HK2: variants seen among roughly 807,000 people sequenced by gnomAD.
The protein encoded by HK2 is hexokinase 2.
In HK2, 42 loss-of-function variants were observed where a neutral mutation model predicts 92.9. The ratio of observed to expected loss-of-function variants is 0.45; its 90% confidence interval spans 0.35 to 0.58. The LOEUF is 0.58. HK2 is among the 20% of genes least tolerant of loss of function. The pLI is 0.00. For missense variants in HK2, 978 were observed against 1,245.1 expected (o/e 0.79, Z 3.23); for synonymous variants, 422 against 468.0 (o/e 0.90, Z 1.27).
intron 7 of HK2, among the ~76,000 whole-genome samples, chr2:74,876,751 G>A (rs999789550): frequency 2.0e-5 from 3 of 152,150 alleles, no homozygotes; most frequent in Non-Finnish European, 4.4e-5. Flanking sequence ...CTAGGCCTGT[G>A]CTACATATCT....
intron 2 of HK2, among the ~76,000 whole-genome samples, chr2:74,864,362 T>C (rs1204406225): frequency 3.3e-5 from 5 of 152,238 alleles, no homozygotes; most frequent in African/African-American, 4.8e-5. Flanking sequence ...CTTATAGTTA[T>C]ACCAAACCTC....
chr2:74,839,079 A>C (rs1688242560), intron 1 of HK2, among the ~76,000 whole-genome samples: 1 of 152,202 alleles, frequency 6.6e-6, no homozygotes. Flanking sequence ...TGGGCTTGAG[A>C]GGAATATCTT....
intron 10 of HK2, 70 bp from the exon 11 acceptor site, chr2:74,881,641 T>A: frequency 6.6e-7 from 1 of 1,514,312 alleles, no homozygotes; most frequent in Non-Finnish European, 9.2e-7. Flanking sequence ...TTTGGATCGT[T>A]TTAAGTGTAC....
intron 1 of HK2, among the ~76,000 whole-genome samples, chr2:74,840,863 A>G (rs1688295485): frequency 8.1e-6 from 1 of 123,894 alleles, no homozygotes; most frequent in Non-Finnish European, 1.6e-5. Context: ...TGGGCGACAG[A>G]GCAAGACTCT....
At chr2:74,883,783 T>G (rs759750336) in intron 12 of HK2, among the ~76,000 whole-genome samples, 6 of 152,262 alleles carry the variant, frequency 3.9e-5, no homozygotes, top group South Asian at 4.1e-4. Context: ...TACTATTTAA[T>G]GGACCATTAC....
rs375536472 is a variant in HK2, at chr2:74,882,133, T to C, written c.1733T>C (p.Ile578Thr). The change falls in exon 12 of 18, where the codon ATT becomes ACT. Residue 578 changes from isoleucine (I) to threonine (T), a missense_variant. Physicochemically the swap from Ile to Thr is moderately conservative, Grantham distance 89. This residue lies in a region of HK2 where 742 missense variants were observed against 922.5 expected (regional missense o/e 0.80). Transcript: ENST00000290573. The stretch of plus-strand genomic sequence containing the variant: ...TTCTCCCTGCAGCTCTTTGACCACA[T>C]TGTCCAGTGCATCGCGGACTTCCTC... ...HGTGDELFDHIVQCIADFLEY... is the reference protein window; with the variant it reads ...HGTGDELFDHTVQCIADFLEY... The C allele has an allele frequency of 2.5e-6, 4 of 1,614,086 alleles. No individual in the cohort carries two copies. The African/African-American group carries it at 5.3e-5, about 22-fold the overall frequency.
intron 3 of HK2, among the ~76,000 whole-genome samples, chr2:74,870,529 C>G (rs1022431294): frequency 4.9e-5 from 7 of 142,742 alleles, no homozygotes; most frequent in African/African-American, 8.2e-5. Context: ...TTGGCCTTAT[C>G]TCTTTGCACA....
intron 1 of HK2, among the ~76,000 whole-genome samples, chr2:74,847,142 G>A (rs1201576477): frequency 1.3e-5 from 2 of 152,110 alleles, no homozygotes; most frequent in East Asian, 3.8e-4. Context: ...TGTGCCACAG[G>A]CATCCTGCAT....
intron 2 of HK2, among the ~76,000 whole-genome samples, chr2:74,859,704 A>G (rs1313702274): frequency 2.6e-5 from 4 of 152,240 alleles, no homozygotes. Flanking sequence ...CAGAAAAGGG[A>G]ATGCTTATAC....
chr2:74,889,717 G>T (rs530280675), intron 17 of HK2, among the ~76,000 whole-genome samples: 2 of 152,094 alleles, frequency 1.3e-5, no homozygotes, highest in Non-Finnish European at 2.9e-5. Context: ...CCCATGCCAG[G>T]GGTAAGTGTT....
rs3836187 is a variant in HK2 at position 74,875,226 on chromosome 2, CTG to C, written c.875+779_875+780del. 2.7e-3 allele frequency among the ~76,000 whole-genome samples: 409 copies of C among 151,922 alleles called. 13 individuals carry two copies. In the East Asian group the frequency reaches 0.071, roughly 26 times the overall value. On this transcript the variant is annotated intron_variant, in intron 7 of 17. Coordinates refer to ENST00000290573, the MANE Select transcript of HK2 (RefSeq NM_000189.5). ...ATACAGATCATCTCTGGTCTTGTGACTGTTGTAGAAAAGCTTTTCGTGCAGAT... is the reference window on the plus strand; with the variant it reads ...ATACAGATCATCTCTGGTCTTGTGACTTGTAGAAAAGCTTTTCGTGCAGAT...
At chr2:74,888,575 C>A (rs935928323) in intron 16 of HK2, among the ~76,000 whole-genome samples, 5 of 152,152 alleles carry the variant, frequency 3.3e-5, no homozygotes, top group Non-Finnish European at 5.9e-5. Flanking sequence ...TTTCAGAGCC[C>A]TTTAAAAATT....
At chr2:74,865,773 T>A (rs889732818) in intron 2 of HK2, among the ~76,000 whole-genome samples, 1 of 152,106 alleles carries the variant, frequency 6.6e-6, no homozygotes, top group Non-Finnish European at 1.5e-5. Flanking sequence ...TGGACAGGTT[T>A]CTGCAATCCC....
chr2:74,869,453 T>C (rs571085920), intron 3 of HK2, among the ~76,000 whole-genome samples: 3 of 152,238 alleles, frequency 2.0e-5, no homozygotes, highest in Admixed American at 6.5e-5. Context: ...ATATACACTT[T>C]GGTTAAGAAC....
At position 74,888,176 on chromosome 2, in the gene HK2, A is replaced by T. The variant is rs1000036793; in HGVS notation, c.2375+118A>T. On this transcript the variant is annotated intron_variant, in intron 16 of 17. Transcript: ENST00000290573. ...TCATACAAAAGTCAGTTTAGTGGCA[A>T]ACACATTCATGTCTATAGTGTTTAC... The T allele has an allele frequency of 1.4e-5, 15 of 1,052,002 alleles. No homozygotes were observed. The East Asian group carries it at 2.9e-4, about 20-fold the overall frequency. 65.2% of individuals were successfully genotyped at this position (1,052,002 alleles called of 1,614,324 possible).
intron 1 of HK2, among the ~76,000 whole-genome samples, chr2:74,845,489 CT>C (rs2103851839): frequency 6.6e-6 from 1 of 152,370 alleles, no homozygotes; most frequent in South Asian, 2.1e-4. Context: ...ACAGGTGCTG[CT>C]GCCTAAGGTC....
At chr2:74,862,350 A>T (rs1688849967) in intron 2 of HK2, among the ~76,000 whole-genome samples, 1 of 152,146 alleles carries the variant, frequency 6.6e-6, no homozygotes, top group Non-Finnish European at 1.5e-5. Context: ...TCTCTTACTA[A>T]CCTAGGCCTA....
In HK2 at chr2:74,854,468, G is replaced by T; in HGVS notation, c.226+13G>T. The T allele has an allele frequency of 6.2e-7, 1 of 1,614,108 alleles. No individual in the cohort carries two copies. The highest frequency in any genetic ancestry group is 8.5e-7 in the Non-Finnish European group (1 of 1,179,972). ...CCAGATGGGACAGGTACTGCATCTG[G>T]GGGATGGCTCTAGCTGCTGCGTTAC... On this transcript the variant is annotated intron_variant, in intron 2 of 17. Transcript: ENST00000290573.
chr2:74,881,639 G>A (rs1439300449), intron 10 of HK2, 72 bp from the exon 11 acceptor site: 22 of 1,489,074 alleles, frequency 1.5e-5, no homozygotes, highest in African/African-American at 1.1e-4. Context: ...TATTTGGATC[G>A]TTTTAAGTGT....
Sources: gnomAD v4.1 joint callset for allele counts (sites outside exome capture counted in the v4.1 genomes callset) on GRCh38, gnomAD v4.1.1 for gene constraint, gnomAD v4.1.1 regional missense constraint, MANE v1.5 for transcripts, NCBI Gene and HGNC (gene_info 2026-07-23, HGNC 2026-07-21) for gene names.